The following AKR7A3 variants were observed in gnomAD, a reference collection of about 807,000 sequenced individuals.
AKR7A3 encodes the protein AFB1 aldehyde reductase 2.
A neutral mutation model predicts 32.5 loss-of-function variants in AKR7A3; 37 were observed. The ratio of observed to expected loss-of-function variants is 1.14; its 90% CI spans 0.88 to 1.50. The LOEUF (loss-of-function observed/expected upper bound fraction) is 1.50. Among genes scored for constraint, AKR7A3 ranks in the 40% most tolerant of loss-of-function variants. The pLI, the probability that AKR7A3 is intolerant of heterozygous loss-of-function variation, is 0.00. For synonymous variants in AKR7A3, 177 were observed against 188.4 expected (o/e 0.94, Z 0.50); for missense variants, 412 against 453.2 (o/e 0.91, Z 0.83).
the AKR7A3 span, chr1:19,274,244 T>C: frequency 7.6e-7 from 1 of 1,317,562 alleles, no homozygotes; most frequent in East Asian, 3.0e-5. Context: ...CGCGCTGGAC[T>C]CCGCTCTCAA....
chr1:19,285,730 C>T (rs2093728371), intron 3 of AKR7A3, among the ~76,000 whole-genome samples, 158 bp downstream of exon 3: 1 of 151,468 alleles, frequency 6.6e-6, no homozygotes, highest in African/African-American at 2.4e-5. Flanking sequence ...GCCTGAGGAG[C>T]TTGAATGGCA....
chr1:19,278,601 A>C (rs1293703038), downstream of AKR7A3, among the ~76,000 whole-genome samples: 1 of 151,824 alleles, frequency 6.6e-6, no homozygotes, highest in African/African-American at 2.4e-5. Context: ...AAAAACAAAA[A>C]AACTACTGTA....
At chr1:19,281,119 C>A (rs2093718209), downstream of AKR7A3, among the ~76,000 whole-genome samples, 1 of 151,330 alleles carries the variant, frequency 6.6e-6, no homozygotes, top group African/African-American at 2.4e-5. Context: ...CGGCTCACTG[C>A]AACCTTCATC....
At chr1:19,275,398 C>T in the AKR7A3 span, among the ~76,000 whole-genome samples, 22 of 149,490 alleles carry the variant, frequency 1.5e-4, no homozygotes, top group Non-Finnish European at 2.8e-4. Flanking sequence ...GCAACAAGAG[C>T]GAAATTCCAT....
chr1:19,284,090 A>C lies in AKR7A3; in HGVS notation c.740T>G (p.Leu247Arg), dbSNP rs780563259. The C allele has an allele frequency of 1.2e-6, 2 of 1,613,462 alleles. No homozygotes were observed. Among genetic ancestry groups the C allele is most frequent in the African/African-American group, 2.7e-5 (2 of 74,716 alleles). The part of the protein sequence containing the change: ...WKEHHFEGIA[L>R]VEKALQAAYG... ...CGCGGCCTGCAGGGCCTTCTCCACC[A>C]GGGCAATGCCCTCAAAGTGGTGCTC... Residue 247 changes from leucine (L) to arginine (R), a missense_variant, in exon 6 of 7, where the codon CTG becomes CGG. Physicochemically the swap from Leu to Arg is moderately radical, Grantham distance 102 (BLOSUM62 -2). Coordinates refer to ENST00000361640, the MANE Select transcript of AKR7A3 (RefSeq NM_012067.3).
intron 6 of AKR7A3, 91 bp downstream of exon 6, chr1:19,283,905 G>C: frequency 6.3e-7 from 1 of 1,577,660 alleles, no homozygotes; most frequent in East Asian, 2.3e-5. Context: ...AATTTCAGAG[G>C]AATCGATAAA....
chr1:19,277,513 T>C, the AKR7A3 span, among the ~76,000 whole-genome samples: 1 of 150,466 alleles, frequency 6.6e-6, no homozygotes, highest in African/African-American at 2.5e-5. Flanking sequence ...CTCAAATCAA[T>C]AATGTAAGCA....
chr1:19,282,313 G>A (rs376254272), downstream of AKR7A3, among the ~76,000 whole-genome samples: 7 of 151,752 alleles, frequency 4.6e-5, no homozygotes, highest in African/African-American at 1.7e-4. Context: ...GTTCACACAG[G>A]ATCTGGTTGT....
intron 3 of AKR7A3, among the ~76,000 whole-genome samples, 163 bp from the exon 4 acceptor site, chr1:19,285,277 A>T (rs892961559): frequency 1.3e-5 from 2 of 151,988 alleles, no homozygotes; most frequent in African/African-American, 2.4e-5. Context: ...GCTTATGCCC[A>T]TGGAAAATTC....
downstream of AKR7A3, among the ~76,000 whole-genome samples, chr1:19,280,910 T>C (rs887402384): frequency 3.3e-5 from 5 of 151,866 alleles, no homozygotes; most frequent in Non-Finnish European, 7.4e-5. Context: ...CTTGACGCTC[T>C]TTAAAATTAA....
chr1:19,274,862 C>T, the AKR7A3 span, among the ~76,000 whole-genome samples: 4 of 117,504 alleles, frequency 3.4e-5, no homozygotes, highest in South Asian at 2.9e-4. Flanking sequence ...CACTGCACTC[C>T]GCCCTGGGTG....
In AKR7A3 at chr1:19,286,272, G is replaced by A; in HGVS notation, c.315C>T (p.Pro105=). ...LETSLKRLQC[P]RVDLFYLHMP... is the part of the protein sequence containing the mutation. ...TATGCAGGTAGAAGAGGTCCACTCG[G>A]GGACACTGCAGCCGCTTCAGTGACG... is the stretch of plus-strand genomic sequence containing the variant. The change falls in exon 2 of 7, where the codon CCC becomes CCT. Residue 105 remains proline (P), a synonymous_variant. Coordinates refer to ENST00000361640, the MANE Select transcript of AKR7A3 (RefSeq NM_012067.3). 1 of 1,613,894 alleles carries A rather than the reference G, an allele frequency of 6.2e-7. No homozygotes were observed. The highest frequency in any genetic ancestry group is 8.5e-7 in the Non-Finnish European group (1 of 1,180,028).
chr1:19,278,689 A>G (rs1451045929), downstream of AKR7A3, among the ~76,000 whole-genome samples: 1 of 151,998 alleles, frequency 6.6e-6, no homozygotes, highest in East Asian at 1.9e-4. Context: ...GAGGTGTACA[A>G]CCATCACAAT....
Position 19,282,822 on chromosome 1 carries a change from G to A in AKR7A3, c.905C>T (p.Ala302Val), listed in dbSNP as rs777510135. ...LEQLEQNLAA[A>V]EEGPLEPAVV... ...AGCCGGCTCCAGGGGCCCTTCCTCT[G>A]CCGCTGCCAAGTTCTGCTCCAGCTG... Residue 302 changes from alanine (A) to valine (V), a missense_variant, in exon 7 of 7, where the codon GCA becomes GTA. By Grantham distance (64) the Ala-to-Val change is moderately conservative. Transcript: ENST00000361640. 3.7e-6 allele frequency: 6 copies of A among 1,613,364 alleles called. No individual in the cohort carries two copies. The South Asian group carries it at 4.4e-5, about 12-fold the overall frequency.
At chr1:19,284,163 C>T (rs375648246) in intron 5 of AKR7A3, 38 bp from the exon 6 acceptor site, 21 of 1,580,020 alleles carry the variant, frequency 1.3e-5, no homozygotes, top group Non-Finnish European at 1.4e-5. Context: ...GTCAGGGCCA[C>T]ATTGGGAGCC....
At position 19,286,389 on chromosome 1, in the gene AKR7A3, A is replaced by C; in HGVS notation, c.215-17T>G. ...CAATTTTCACTGAGAGGAAAGAGAA[A>C]TGAAATTCAGGGCCAGGCGCCGTGG... On this transcript the variant is annotated splice_polypyrimidine_tract_variant and intron_variant, in intron 1 of 6. Coordinates refer to ENST00000361640, the MANE Select transcript of AKR7A3 (RefSeq NM_012067.3). 2 of 1,612,040 alleles carry C rather than the reference A, an allele frequency of 1.2e-6. No individual in the cohort carries two copies. Among genetic ancestry groups the C allele is most frequent in the Non-Finnish European group, 1.7e-6 (2 of 1,178,722 alleles).
chr1:19,279,791 TGATAA>T (rs1257860452), downstream of AKR7A3, among the ~76,000 whole-genome samples: 1 of 151,960 alleles, frequency 6.6e-6, no homozygotes, highest in Non-Finnish European at 1.5e-5. Flanking sequence ...TATTGTTGAA[TGATAA>T]GAGTTCTTTA....
At position 19,287,306 on chromosome 1, in the gene AKR7A3, C is replaced by CAAA. The variant is rs35986667; in HGVS notation, c.215-937_215-935dup. On this transcript the variant is annotated intron_variant, in intron 1 of 6. Coordinates refer to ENST00000361640, the MANE Select transcript of AKR7A3 (RefSeq NM_012067.3). ...TGGGCAAAAAAGCAAGACCCTGTCT[C>CAAA]AAAAAAAAAAAAAAAATCAGAAATA... Among the ~76,000 whole-genome samples, 403 of 132,708 alleles carry CAAA rather than the reference C, an allele frequency of 3.0e-3. 10 individuals are homozygous for CAAA. The East Asian group carries it at 0.041, about 14-fold the overall frequency. The allele number at this position is 132,708 out of a possible 152,430, so 87.1% of individuals were successfully genotyped here. A position where few individuals can be genotyped will look rare whatever the true frequency, so the allele number is the denominator to read the frequency against.
At chr1:19,279,363 A>C (rs1468321788), downstream of AKR7A3, among the ~76,000 whole-genome samples, 1 of 151,912 alleles carries the variant, frequency 6.6e-6, no homozygotes, top group Non-Finnish European at 1.5e-5. Context: ...CTTATTGGCT[A>C]TTATGAGTAA....
Sources: gnomAD v4.1 joint callset for allele counts (sites outside exome capture counted in the v4.1 genomes callset) on GRCh38, gnomAD v4.1.1 for gene constraint, MANE v1.5 for transcripts, NCBI Gene and HGNC (gene_info 2026-07-23, HGNC 2026-07-21) for gene names.